The following FABP7 variants were observed in gnomAD, a reference collection of about 807,000 sequenced individuals.
FABP7 encodes fatty acid-binding protein, brain.
A neutral mutation model predicts 14.2 loss-of-function variants in FABP7; 13 were observed. The ratio of observed to expected loss-of-function variants is 0.91; its 90% CI spans 0.59 to 1.45. FABP7 has a LOEUF of 1.45. FABP7 is among the 40% of genes most tolerant of loss of function. The pLI, the probability that FABP7 is intolerant of heterozygous loss-of-function variation, is 0.00. For missense variants in FABP7, 149 were observed against 157.6 expected (o/e 0.95, Z 0.29); for synonymous variants, 49 against 51.4 (o/e 0.95, Z 0.20).
chr6:122,783,134 A>T, intron 3 of FABP7: 1 of 985,424 alleles, frequency 1.0e-6, no homozygotes, highest in Non-Finnish European at 1.2e-6. Flanking sequence ...ATAACTCTTC[A>T]AGTTAGATTT....
the FABP7 span, among the ~76,000 whole-genome samples, chr6:122,767,384 G>C: frequency 6.6e-6 from 1 of 151,936 alleles, no homozygotes; most frequent in South Asian, 2.1e-4. Context: ...AATGTTAGAA[G>C]GTTACAAACC....
At chr6:122,756,157 A>G in the FABP7 span, among the ~76,000 whole-genome samples, 1 of 152,152 alleles carries the variant, frequency 6.6e-6, no homozygotes, top group African/African-American at 2.4e-5. Flanking sequence ...CAAGCTATTC[A>G]GATAAACTCC....
At chr6:122,778,404 G>T (rs7769891), upstream of FABP7, among the ~76,000 whole-genome samples, 1 of 152,182 alleles carries the variant, frequency 6.6e-6, no homozygotes, top group Non-Finnish European at 1.5e-5. Flanking sequence ...TTGAGACACC[G>T]AAGAAGAATC....
chr6:122,776,150 T>C (rs1348502175), upstream of FABP7, among the ~76,000 whole-genome samples: 1 of 152,116 alleles, frequency 6.6e-6, no homozygotes, highest in Non-Finnish European at 1.5e-5. Context: ...AACTACCATA[T>C]GATGCAATAA....
At chr6:122,779,238 AC>A (rs1780722242), upstream of FABP7, among the ~76,000 whole-genome samples, 1 of 152,142 alleles carries the variant, frequency 6.6e-6, no homozygotes, top group Non-Finnish European at 1.5e-5. Flanking sequence ...AATAACACAC[AC>A]TATTCACTCT....
chr6:122,756,061 C>A, the FABP7 span, among the ~76,000 whole-genome samples: 1 of 152,184 alleles, frequency 6.6e-6, no homozygotes, highest in African/African-American at 2.4e-5. Context: ...GGGGATAGAG[C>A]AGTTCTGCGC....
upstream of FABP7, among the ~76,000 whole-genome samples, chr6:122,779,060 T>A (rs752555577): frequency 2.6e-5 from 4 of 152,160 alleles, no homozygotes; most frequent in Admixed American, 6.5e-5. Context: ...CTTTAAATTC[T>A]CTCGGTTTGT....
chr6:122,775,687 CACA>C (rs200652589), upstream of FABP7, among the ~76,000 whole-genome samples: 3 of 108,162 alleles, frequency 2.8e-5, no homozygotes, highest in African/African-American at 5.4e-5. Context: ...AAAACCTCTT[CACA>C]ACAACAACAA....
the FABP7 span, among the ~76,000 whole-genome samples, chr6:122,758,815 T>G: frequency 1.2e-4 from 18 of 152,234 alleles, no homozygotes; most frequent in African/African-American, 4.3e-4. Context: ...AATATGGTAA[T>G]ATGTGCATAT....
chr6:122,760,185 C>T, the FABP7 span, among the ~76,000 whole-genome samples: 2 of 152,100 alleles, frequency 1.3e-5, no homozygotes, highest in African/African-American at 4.8e-5. Context: ...GGTACACACC[C>T]AAGTATTCAA....
At chr6:122,772,004 G>T in the FABP7 span, among the ~76,000 whole-genome samples, 1 of 152,200 alleles carries the variant, frequency 6.6e-6, no homozygotes, top group African/African-American at 2.4e-5. Flanking sequence ...GTGTTCTTAA[G>T]GTAGGAGAAA....
the FABP7 span, among the ~76,000 whole-genome samples, chr6:122,752,849 T>C: frequency 2.6e-5 from 4 of 152,208 alleles, no homozygotes; most frequent in Non-Finnish European, 5.9e-5. Context: ...TGCCATCACC[T>C]GCTTAGTTCA....
the FABP7 span, among the ~76,000 whole-genome samples, chr6:122,766,327 A>T: frequency 2.0e-5 from 3 of 152,280 alleles, no homozygotes; most frequent in African/African-American, 7.2e-5. Context: ...TGCTACATTC[A>T]GTCCTTCTCT....
the FABP7 span, among the ~76,000 whole-genome samples, chr6:122,768,533 C>T: frequency 9.5e-4 from 145 of 152,186 alleles, no homozygotes; most frequent in African/African-American, 3.2e-3. Context: ...AAGATGTTTA[C>T]CTTGAGTTGG....
chr6:122,780,546 T>C (rs773357107), intron 2 of FABP7, 83 bp downstream of exon 2: 19 of 1,361,598 alleles, frequency 1.4e-5, no homozygotes, highest in Non-Finnish European at 1.7e-5. Context: ...TTTTTTAAGA[T>C]GTTGGAAAGT....
chr6:122,777,710 A>G (rs536422161), upstream of FABP7, among the ~76,000 whole-genome samples: 13 of 152,114 alleles, frequency 8.5e-5, no homozygotes, highest in Non-Finnish European at 1.6e-4. Flanking sequence ...ATAGCCAGGC[A>G]TAATGGTACA....
chr6:122,767,099 C>T, the FABP7 span, among the ~76,000 whole-genome samples: 1 of 151,894 alleles, frequency 6.6e-6, no homozygotes, highest in South Asian at 2.1e-4. Context: ...CATTATTATG[C>T]AATATTAATG....
At chr6:122,783,015 G>A (rs1780832499) in intron 3 of FABP7, 2 of 985,214 alleles carry the variant, frequency 2.0e-6, no homozygotes, top group African/African-American at 1.7e-5. Flanking sequence ...GTTCAAAAAG[G>A]AAGACTAAAG....
upstream of FABP7, chr6:122,779,680 T>C: frequency 1.0e-6 from 1 of 959,494 alleles, no homozygotes; most frequent in Non-Finnish European, 1.6e-6. Flanking sequence ...GCCCACCCTC[T>C]TTCCAAATAA....
Sources: gnomAD v4.1 joint callset for allele counts (sites outside exome capture counted in the v4.1 genomes callset) on GRCh38, gnomAD v4.1.1 for gene constraint, MANE v1.5 for transcripts, NCBI Gene and HGNC (gene_info 2026-07-23, HGNC 2026-07-21) for gene names.